Variants in NPEPPS observed in about 807,000 individuals in gnomAD.
The protein encoded by NPEPPS is puromycin-sensitive aminopeptidase.
NPEPPS carries 14 observed loss-of-function variants against 115.5 expected under a neutral mutation model. That is an observed-to-expected ratio of 0.12 (90% confidence interval 0.08 to 0.19). The LOEUF (loss-of-function observed/expected upper bound fraction) is 0.19, where lower values mean the gene tolerates loss of function less well. NPEPPS is among the 10% of genes least tolerant of loss of function. The pLI, the probability that NPEPPS is intolerant of heterozygous loss-of-function variation, is 1.00. For synonymous variants in NPEPPS, 285 were observed against 390.6 expected (o/e 0.73, Z 3.19); for missense variants, 523 against 1,110.8 (o/e 0.47, Z 7.52).
At chr17:47,567,097 C>A (rs952665784) in intron 2 of NPEPPS, among the ~76,000 whole-genome samples, 1 of 151,936 alleles carries the variant, frequency 6.6e-6, no homozygotes, top group Non-Finnish European at 1.5e-5. Flanking sequence ...AAAACAAAAC[C>A]AAACAAATTT....
At chr17:47,619,554 C>CA (rs879476110) in intron 21 of NPEPPS, 183 bp from the exon 22 acceptor site, 35,989 of 444,818 alleles carry the variant, frequency 0.081, 1 homozygote, top group South Asian at 0.098. Context: ...AACTCCGTCT[C>CA]AAAAAAAAAA....
At chr17:47,571,130 A>G (rs1269189494) in intron 3 of NPEPPS, among the ~76,000 whole-genome samples, 1 of 152,210 alleles carries the variant, frequency 6.6e-6, no homozygotes, top group African/African-American at 2.4e-5. Flanking sequence ...AGGTTTGTGA[A>G]TTCTTCACCC....
intron 22 of NPEPPS, 143 bp downstream of exon 22, chr17:47,619,927 C>T: frequency 1.5e-6 from 1 of 658,638 alleles, no homozygotes; most frequent in Non-Finnish European, 2.6e-6. Context: ...GCTGTATAGG[C>T]CATATTAAGA....
At chr17:47,523,685 A>T (rs1907310828) in intron 1 of NPEPPS, among the ~76,000 whole-genome samples, 1 of 152,086 alleles carries the variant, frequency 6.6e-6, no homozygotes, top group South Asian at 2.1e-4. Flanking sequence ...GGCCTCCCAA[A>T]GTGCTGGGAT....
At chr17:47,565,324 C>T (rs1241842925) in intron 2 of NPEPPS, among the ~76,000 whole-genome samples, 7 of 151,914 alleles carry the variant, frequency 4.6e-5, no homozygotes, top group African/African-American at 1.5e-4. Context: ...TCCTGGCCAA[C>T]GTGCTGAAAC....
chr17:47,538,202 C>CTTTTTTTTTTTTTTTTTTTTTTT lies in NPEPPS; in HGVS notation c.255+6648_255+6670dup, dbSNP rs543559258. Among the ~76,000 whole-genome samples, 19 of 58,496 alleles carry CTTTTTTTTTTTTTTTTTTTTTTT rather than the reference C, an allele frequency of 3.2e-4. 1 individual carries two copies. Among genetic ancestry groups the CTTTTTTTTTTTTTTTTTTTTTTT allele is most frequent in the Admixed American group, 7.8e-4 (3 of 3,836 alleles). 38.4% of individuals were successfully genotyped at this position (58,496 alleles called of 152,430 possible). A position where few individuals can be genotyped will look rare whatever the true frequency, so the allele number is the denominator to read the frequency against. On this transcript the variant is annotated intron_variant, in intron 1 of 22. Transcript: ENST00000322157. ...GCCACCGCGCCTAGCCATATCTGTTCTTTTTTTTTTTTTTTTTTTTTTTGA... is the reference window on the plus strand; with the variant it reads ...GCCACCGCGCCTAGCCATATCTGTTCTTTTTTTTTTTTTTTTTTTTTTTTTTTTTTTTTTTTTTTTTTTTTTGA...
At chr17:47,527,407 C>T (rs539419488), upstream of NPEPPS, among the ~76,000 whole-genome samples, 3 of 151,740 alleles carry the variant, frequency 2.0e-5, no homozygotes, top group African/African-American at 7.3e-5. Flanking sequence ...TTGCTTGAAC[C>T]CAGGAGGTGG....
At position 47,622,073 on chromosome 17, in the gene NPEPPS, C is replaced by A; in HGVS notation, c.*153C>A. On this transcript the variant is annotated 3_prime_UTR_variant, in exon 23 of 23. Transcript: ENST00000322157. ...TGTAGTTAACTGGTTCCTGCTCACACTCCAGAATTAAATTCTATTGAAAAA... is the reference window on the plus strand; with the variant it reads ...TGTAGTTAACTGGTTCCTGCTCACAATCCAGAATTAAATTCTATTGAAAAA... The A allele has an allele frequency of 7.9e-7, 1 of 1,269,436 alleles. No individual in the cohort carries two copies. Among genetic ancestry groups the A allele is most frequent in the Non-Finnish European group, 9.9e-7 (1 of 1,005,800 alleles). The allele number at this position is 1,269,436 out of a possible 1,614,324, so 78.6% of individuals were successfully genotyped here. A position where few individuals can be genotyped will look rare whatever the true frequency, so the allele number is the denominator to read the frequency against.
At chr17:47,604,364 T>G (rs1392597963) in intron 16 of NPEPPS, among the ~76,000 whole-genome samples, 1 of 152,202 alleles carries the variant, frequency 6.6e-6, no homozygotes, top group African/African-American at 2.4e-5. Flanking sequence ...GTTTTTAAAA[T>G]AATTAAGTCA....
Position 47,612,524 on chromosome 17 carries a change from A to T in NPEPPS, c.2160A>T (p.Ala720=). 1.2e-6 allele frequency: 2 copies of T among 1,614,010 alleles called. No homozygotes were observed. Among genetic ancestry groups the T allele is most frequent in the Non-Finnish European group, 1.7e-6 (2 of 1,179,886 alleles). Reference sequence around the variant, plus strand: ...AACTAGGAAAAGCAGGACATAAGGCAACGTTAGAAGAAGCCCGTCGTCGGT... The same window carrying T: ...AACTAGGAAAAGCAGGACATAAGGCTACGTTAGAAGAAGCCCGTCGTCGGT... ...LGKLGKAGHK[A]TLEEARRRFK... is the part of the protein sequence containing the mutation. The change falls in exon 18 of 23, where the codon GCA becomes GCT. Residue 720 remains alanine (A), a synonymous_variant. Coordinates refer to ENST00000322157, the MANE Select transcript of NPEPPS (RefSeq NM_006310.4).
At chr17:47,537,117 G>C (rs1908361209) in intron 1 of NPEPPS, among the ~76,000 whole-genome samples, 1 of 151,512 alleles carries the variant, frequency 6.6e-6, no homozygotes, top group African/African-American at 2.4e-5. Flanking sequence ...TTGAGCACAG[G>C]AGTTTGATAC....
At chr17:47,605,700 T>G in intron 17 of NPEPPS, 148 bp downstream of exon 17, 1 of 625,618 alleles carries the variant, frequency 1.6e-6, no homozygotes, top group East Asian at 2.7e-5. Flanking sequence ...CTTTTAAGTC[T>G]GCTGGTGAAG....
chr17:47,605,391 A>C lies in NPEPPS; in HGVS notation c.1934A>C (p.Asn645Thr), dbSNP rs2143930492. 1 of 1,611,828 alleles carries C rather than the reference A, an allele frequency of 6.2e-7. No individual in the cohort carries two copies. The highest frequency in any genetic ancestry group is 1.1e-5 in the South Asian group (1 of 90,374). ...CTAAAAGTCATGGAGGCTTTTGTGAATGAGCCCAATTATACTGTATGGAGC... is the reference window on the plus strand; with the variant it reads ...CTAAAAGTCATGGAGGCTTTTGTGACTGAGCCCAATTATACTGTATGGAGC... ...EVLKVMEAFV[N>T]EPNYTVWSDL... Residue 645 changes from asparagine (N) to threonine (T), a missense_variant, in exon 17 of 23, where the codon AAT becomes ACT. Coordinates refer to ENST00000322157, the MANE Select transcript of NPEPPS (RefSeq NM_006310.4).
At chr17:47,549,632 T>C (rs1246666857) in intron 2 of NPEPPS, among the ~76,000 whole-genome samples, 1 of 151,260 alleles carries the variant, frequency 6.6e-6, no homozygotes, top group Non-Finnish European at 1.5e-5. Flanking sequence ...ACACAAAAAT[T>C]AGCTGGGCGT....
At position 47,524,166 on chromosome 17, in the gene NPEPPS, G is replaced by C. The variant is rs570983965; in HGVS notation, c.77+1103G>C. Among the ~76,000 whole-genome samples, 15 of 151,948 alleles carry C rather than the reference G, an allele frequency of 9.9e-5. No homozygotes were observed. In the East Asian group the frequency reaches 2.9e-3, roughly 30 times the overall value. On this transcript the variant is annotated intron_variant, in intron 1 of 5. Coordinates refer to the NPEPPS transcript ENST00000525007. Reference sequence around the variant, plus strand: ...ACTAAAAATACAAAAAATTAGCTGGGCGTGGTGGCAGGCACCTGTAATCCC... The same window carrying C: ...ACTAAAAATACAAAAAATTAGCTGGCCGTGGTGGCAGGCACCTGTAATCCC...
chr17:47,611,042 C>T (rs553797729), intron 17 of NPEPPS, among the ~76,000 whole-genome samples: 3 of 147,158 alleles, frequency 2.0e-5, no homozygotes, highest in Non-Finnish European at 4.5e-5. Context: ...TTAGTAGAGA[C>T]AGGGTTTCAC....
intron 19 of NPEPPS, among the ~76,000 whole-genome samples, chr17:47,615,904 A>G (rs548568486): frequency 5.3e-4 from 80 of 152,372 alleles, no homozygotes; most frequent in African/African-American, 1.8e-3. Flanking sequence ...TCAAGAAGCC[A>G]CTTGGTAAGA....
chr17:47,594,469 G>A (rs1912718433), intron 12 of NPEPPS, among the ~76,000 whole-genome samples: 1 of 149,566 alleles, frequency 6.7e-6, no homozygotes, highest in South Asian at 2.1e-4. Flanking sequence ...GGAGTGCAAT[G>A]GTGCAGTCTT....
At chr17:47,615,017 A>G (rs1331312358) in intron 19 of NPEPPS, among the ~76,000 whole-genome samples, 2 of 152,106 alleles carry the variant, frequency 1.3e-5, no homozygotes, top group East Asian at 3.8e-4. Context: ...AAACTTTAAG[A>G]AACTGTACCT....
Sources: gnomAD v4.1 joint callset for allele counts (sites outside exome capture counted in the v4.1 genomes callset) on GRCh38, gnomAD v4.1.1 for gene constraint, MANE v1.5 for transcripts, NCBI Gene and HGNC (gene_info 2026-07-23, HGNC 2026-07-21) for gene names.